The following SLC25A21 variants were observed in gnomAD, a reference collection of about 807,000 sequenced individuals.
The protein encoded by SLC25A21 is solute carrier family 25 member 21, also known as mitochondrial 2-oxodicarboxylate carrier.
SLC25A21 carries 47 observed loss-of-function variants against 43.8 expected under a neutral mutation model. That is an observed-to-expected ratio of 1.07 (90% CI 0.85 to 1.37). The LOEUF (loss-of-function observed/expected upper bound fraction) is 1.37. Among genes scored for constraint, SLC25A21 ranks in the 40% most tolerant of loss-of-function variants. SLC25A21 has a pLI of 0.00. For missense variants in SLC25A21, 352 were observed against 350.2 expected, an observed-to-expected ratio of 1.00 and a Z score of -0.04; for synonymous variants, 131 against 121.3, an observed-to-expected ratio of 1.08 and a Z score of -0.52.
At chr14:37,084,989 G>C (rs1448423839) in intron 1 of SLC25A21, among the ~76,000 whole-genome samples, 2 of 151,942 alleles carry the variant, frequency 1.3e-5, no homozygotes, top group Non-Finnish European at 2.9e-5. Flanking sequence ...ATACACATGA[G>C]GTTCAATAAA....
intron 1 of SLC25A21, among the ~76,000 whole-genome samples, chr14:37,102,248 C>G (rs979298795): frequency 6.6e-6 from 1 of 152,036 alleles, no homozygotes; most frequent in Non-Finnish European, 1.5e-5. Context: ...CAAGACCAGC[C>G]TGGCCAACAT....
At chr14:37,019,965 AAAAT>A (rs1161432914) in intron 1 of SLC25A21, among the ~76,000 whole-genome samples, 20 of 152,018 alleles carry the variant, frequency 1.3e-4, no homozygotes, top group African/African-American at 4.8e-4. Flanking sequence ...CCTCACTAAT[AAAAT>A]AAATATAGGC....
chr14:37,169,269 TA>T (rs1388015822), intron 1 of SLC25A21, among the ~76,000 whole-genome samples: 1 of 152,106 alleles, frequency 6.6e-6, no homozygotes, highest in African/African-American at 2.4e-5. Context: ...TACTCCTTAC[TA>T]GGCGAGTGTC....
rs529559438 is a variant in SLC25A21 at position 36,776,091 on chromosome 14, A to T, written c.203+37827T>A. 5.3e-5 allele frequency among the ~76,000 whole-genome samples: 8 copies of T among 151,678 alleles called. No individual in the cohort carries two copies. In the East Asian group the frequency reaches 1.6e-3, roughly 29 times the overall value. On this transcript the variant is annotated intron_variant, in intron 3 of 9. Coordinates refer to ENST00000331299, the MANE Select transcript of SLC25A21 (RefSeq NM_030631.4). ...TAATCTCTCCCACTAATTCCAGTCTATTGGAACTTCTCTTGGAAGAGGGGA... is the reference window on the plus strand; with the variant it reads ...TAATCTCTCCCACTAATTCCAGTCTTTTGGAACTTCTCTTGGAAGAGGGGA...
At chr14:36,747,431 A>G (rs143425261) in intron 3 of SLC25A21, among the ~76,000 whole-genome samples, 1 of 152,308 alleles carries the variant, frequency 6.6e-6, no homozygotes, top group African/African-American at 2.4e-5. Context: ...ACTAGTGTTT[A>G]TGGAAATGAA....
chr14:37,016,645 T>C (rs985675910), intron 1 of SLC25A21, among the ~76,000 whole-genome samples: 1 of 152,098 alleles, frequency 6.6e-6, no homozygotes, highest in African/African-American at 2.4e-5. Flanking sequence ...GCTTGTCCTT[T>C]AAGCTTTGAA....
intron 1 of SLC25A21, among the ~76,000 whole-genome samples, chr14:37,024,811 C>T (rs896483616): frequency 1.3e-5 from 2 of 151,936 alleles, no homozygotes; most frequent in Non-Finnish European, 2.9e-5. Context: ...ACTGTGATCC[C>T]ATAATTAATC....
chr14:36,688,492 CCCCT>C (rs1285909920), intron 7 of SLC25A21, among the ~76,000 whole-genome samples: 9 of 152,208 alleles, frequency 5.9e-5, no homozygotes, highest in South Asian at 2.1e-4. Context: ...GTGGGGCTGT[CCCCT>C]CTACCCAGAC....
At chr14:36,886,593 T>C (rs1248945239) in intron 1 of SLC25A21, among the ~76,000 whole-genome samples, 1 of 152,180 alleles carries the variant, frequency 6.6e-6, no homozygotes, top group Admixed American at 6.5e-5. Flanking sequence ...TATGCACACA[T>C]TATGGTCTAG....
At chr14:36,686,609 A>G (rs568986389) in intron 7 of SLC25A21, among the ~76,000 whole-genome samples, 72 of 152,364 alleles carry the variant, frequency 4.7e-4, no homozygotes, top group Non-Finnish European at 9.0e-4. Flanking sequence ...AGTGTTGCAC[A>G]AACCTGGCAG....
intron 1 of SLC25A21, among the ~76,000 whole-genome samples, chr14:36,928,883 T>G (rs988480819): frequency 6.6e-6 from 1 of 152,124 alleles, no homozygotes; most frequent in African/African-American, 2.4e-5. Flanking sequence ...TAAGCATCAA[T>G]AGTACTTAAA....
intron 1 of SLC25A21, among the ~76,000 whole-genome samples, chr14:36,908,244 A>G (rs1279707727): frequency 6.6e-6 from 1 of 152,214 alleles, no homozygotes; most frequent in African/African-American, 2.4e-5. Context: ...TGATATGTCA[A>G]TGCAGGTTCA....
chr14:36,867,103 T>C (rs959949416), intron 2 of SLC25A21, among the ~76,000 whole-genome samples: 3 of 151,988 alleles, frequency 2.0e-5, no homozygotes, highest in African/African-American at 7.2e-5. Context: ...GCACCCTCGA[T>C]CCCTCTCCCC....
Position 37,108,448 on chromosome 14 carries a change from T to C in SLC25A21, c.70+63833A>G, listed in dbSNP as rs544767352. Among the ~76,000 whole-genome samples, 5 of 152,300 alleles carry C rather than the reference T, an allele frequency of 3.3e-5. No individual in the cohort carries two copies. The East Asian group carries it at 5.8e-4, about 18-fold the overall frequency. On this transcript the variant is annotated intron_variant, in intron 1 of 9. Transcript: ENST00000331299. Reference sequence around the variant, plus strand: ...GAAAAGGAAGCTTTGCTAATTTCATTATATAACATCCACTTTACGGTTGAC... The same window carrying C: ...GAAAAGGAAGCTTTGCTAATTTCATCATATAACATCCACTTTACGGTTGAC...
chr14:37,015,095 G>A (rs562886737), intron 1 of SLC25A21, among the ~76,000 whole-genome samples: 103 of 151,982 alleles, frequency 6.8e-4, no homozygotes, highest in Admixed American at 1.6e-3. Flanking sequence ...CAACGTGCAG[G>A]TTAGTTACAT....
intron 7 of SLC25A21, among the ~76,000 whole-genome samples, chr14:36,694,079 C>G (rs969395060): frequency 6.6e-6 from 1 of 151,174 alleles, no homozygotes; most frequent in Non-Finnish European, 1.5e-5. Flanking sequence ...CAACCCCTGA[C>G]AGGCCCCAGT....
chr14:36,905,382 T>TGAAAC (rs1288485379), intron 1 of SLC25A21, among the ~76,000 whole-genome samples: 7 of 152,186 alleles, frequency 4.6e-5, no homozygotes, highest in African/African-American at 1.7e-4. Flanking sequence ...TGAATCAATA[T>TGAAAC]TCCTGCTATG....
chr14:36,804,756 C>A (rs1472759183), intron 3 of SLC25A21, among the ~76,000 whole-genome samples: 1 of 152,166 alleles, frequency 6.6e-6, no homozygotes, highest in African/African-American at 2.4e-5. Flanking sequence ...TTGTCTACGT[C>A]AAATCATGCC....
chr14:37,092,347 C>T (rs771659923), intron 1 of SLC25A21, among the ~76,000 whole-genome samples: 4 of 152,106 alleles, frequency 2.6e-5, no homozygotes, highest in Admixed American at 6.6e-5. Flanking sequence ...CAATCCTACA[C>T]AGTACCATGT....
Sources: allele counts gnomAD v4.1 joint callset (sites outside exome capture counted in the v4.1 genomes callset), GRCh38; gene constraint gnomAD v4.1.1; transcripts MANE v1.5; gene names NCBI Gene and HGNC (gene_info 2026-07-23, HGNC 2026-07-21).